ANKS1B: variants seen among roughly 807,000 people sequenced by gnomAD.
The protein encoded by ANKS1B is ankyrin repeat and sterile alpha motif domain-containing protein 1B.
Under a neutral mutation model 148.3 loss-of-function variants are expected in ANKS1B, and 36 were observed. That is an observed-to-expected ratio of 0.24 (90% CI 0.19 to 0.32). The LOEUF (loss-of-function observed/expected upper bound fraction) is 0.32, where lower values mean the gene tolerates loss of function less well. Among genes scored for constraint, ANKS1B ranks in the 10% least tolerant of loss-of-function variants. The pLI is 1.00. For synonymous variants in ANKS1B, 542 were observed against 560.8 expected, an observed-to-expected ratio of 0.97 and a Z score of 0.47; for missense variants, 1,157 against 1,542.6, an observed-to-expected ratio of 0.75 and a Z score of 4.19.
chr12:99,261,247 C>T (rs2075895297), intron 12 of ANKS1B, among the ~76,000 whole-genome samples: 1 of 152,022 alleles, frequency 6.6e-6, no homozygotes, highest in African/African-American at 2.4e-5. Flanking sequence ...CTTGACCTAC[C>T]AGCTATACAA....
At chr12:99,489,634 T>C (rs535396211) in intron 10 of ANKS1B, among the ~76,000 whole-genome samples, 1 of 152,308 alleles carries the variant, frequency 6.6e-6, no homozygotes, top group South Asian at 2.1e-4. Flanking sequence ...CACGTGGTTA[T>C]AGTAACCAAA....
At chr12:98,805,199 C>A (rs1382351170) in intron 20 of ANKS1B, among the ~76,000 whole-genome samples, 1 of 152,046 alleles carries the variant, frequency 6.6e-6, no homozygotes, top group East Asian at 1.9e-4. Context: ...AAAATCTTTC[C>A]TTTAGGTTCA....
At chr12:98,786,544 C>T (rs1371566447) in intron 22 of ANKS1B, among the ~76,000 whole-genome samples, 1 of 152,132 alleles carries the variant, frequency 6.6e-6, no homozygotes, top group African/African-American at 2.4e-5. Flanking sequence ...ATCATTGGTG[C>T]TTTTATTACT....
At chr12:99,097,748 T>C (rs1377142626) in intron 15 of ANKS1B, among the ~76,000 whole-genome samples, 3 of 152,120 alleles carry the variant, frequency 2.0e-5, no homozygotes, top group Admixed American at 2.0e-4. Flanking sequence ...ACTGTATAAA[T>C]CTGAAAAGGT....
rs372805948 is a variant in ANKS1B, at chr12:99,653,389, G to C, written c.1272+1678C>G. On this transcript the variant is annotated intron_variant, in intron 9 of 26. Transcript: ENST00000683438. ...TATTTTTACAAATGCAGTTTTATGAGGGGAAAATAGGTTAAAACATTTAAT... is the reference window on the plus strand; with the variant it reads ...TATTTTTACAAATGCAGTTTTATGACGGGAAAATAGGTTAAAACATTTAAT... 1.5e-3 allele frequency among the ~76,000 whole-genome samples: 226 copies of C among 152,232 alleles called. 7 individuals are homozygous for C. In the South Asian group the frequency reaches 0.043, roughly 29 times the overall value.
chr12:99,512,497 T>C (rs61532791), intron 9 of ANKS1B, among the ~76,000 whole-genome samples: 9,819 of 152,172 alleles, frequency 0.065, 998 homozygotes, highest in African/African-American at 0.22. Context: ...GTGTGGTGAT[T>C]CCTCAAAGAT....
intron 9 of ANKS1B, among the ~76,000 whole-genome samples, chr12:99,626,255 G>A (rs6538920): frequency 0.24 from 36,629 of 151,882 alleles, 4,547 homozygotes; most frequent in Non-Finnish European, 0.27. Context: ...AAAACAACCA[G>A]CCCCTAAAAT....
chr12:99,958,646 A>G (rs568649668), intron 1 of ANKS1B, among the ~76,000 whole-genome samples: 2 of 152,300 alleles, frequency 1.3e-5, no homozygotes, highest in South Asian at 4.1e-4. Flanking sequence ...CAGCCTCCCA[A>G]AGTGCTAGGA....
rs557422542 is a variant in ANKS1B, at chr12:99,739,137, C to G, written c.1128+33785G>C. On this transcript the variant is annotated intron_variant, in intron 8 of 26. Coordinates refer to ENST00000683438, the MANE Select transcript of ANKS1B (RefSeq NM_001352186.2). ...ATCTCCCATCTCCTAACTTTCACAA[C>G]CTCCATGTCTTTAAGGGATGCAAAT... 2.6e-5 allele frequency among the ~76,000 whole-genome samples: 4 copies of G among 152,014 alleles called. No individual in the cohort carries two copies. The South Asian group carries it at 8.3e-4, about 32-fold the overall frequency.
In ANKS1B at chr12:98,801,914, A is replaced by G. The variant is rs2099007406; in HGVS notation, c.3142-789T>C. ...TTCATTTATCATTTTCCATGAGGTT[A>G]GCCTCAACCTGTTTCATCAGTATAA... On this transcript the variant is annotated intron_variant, in intron 20 of 26. Transcript: ENST00000683438. The surrounding 1 kb of genome is among the most constrained non-coding windows in gnomAD (Gnocchi z 5.2). Among the ~76,000 whole-genome samples the G allele has an allele frequency of 6.6e-6, 1 of 152,230 alleles. No individual in the cohort carries two copies. Among genetic ancestry groups the G allele is most frequent in the South Asian group, 2.1e-4 (1 of 4,836 alleles).
intron 12 of ANKS1B, among the ~76,000 whole-genome samples, chr12:99,340,039 T>C (rs755011086): frequency 2.0e-5 from 3 of 152,178 alleles, no homozygotes; most frequent in African/African-American, 4.8e-5. Flanking sequence ...TGGGGTCATA[T>C]TGACAGGAAG....
At chr12:99,322,105 C>A (rs778900735) in intron 12 of ANKS1B, among the ~76,000 whole-genome samples, 8 of 152,080 alleles carry the variant, frequency 5.3e-5, no homozygotes, top group South Asian at 2.1e-4. Context: ...ATGGAACCAA[C>A]CCAAATGCCC....
chr12:99,335,178 T>A (rs1260227012), intron 12 of ANKS1B, among the ~76,000 whole-genome samples: 2 of 152,058 alleles, frequency 1.3e-5, no homozygotes, highest in Admixed American at 1.3e-4. Flanking sequence ...TTCTTCAGTT[T>A]TAATTTTTTA....
intron 1 of ANKS1B, among the ~76,000 whole-genome samples, chr12:99,967,132 T>G (rs2095493760): frequency 6.6e-6 from 1 of 152,206 alleles, no homozygotes; most frequent in South Asian, 2.1e-4. Flanking sequence ...TATATAATTA[T>G]GATTTATAAT....
chr12:99,576,804 G>T lies in ANKS1B; in HGVS notation c.1273-72163C>A, dbSNP rs930792546. Among the ~76,000 whole-genome samples the T allele has an allele frequency of 5.3e-5, 8 of 151,986 alleles. No individual in the cohort carries two copies. In the East Asian group the frequency reaches 1.5e-3, roughly 29 times the overall value. ...ATTTAGTGGATACATGTGTGTGCTT[G>T]TTACCTAGGTATATTGGGTGATGCT... On this transcript the variant is annotated intron_variant, in intron 9 of 26. Transcript: ENST00000683438.
At chr12:99,334,646 G>T (rs1381141490) in intron 12 of ANKS1B, among the ~76,000 whole-genome samples, 1 of 151,988 alleles carries the variant, frequency 6.6e-6, no homozygotes, top group Non-Finnish European at 1.5e-5. Flanking sequence ...TTCCTCCCTA[G>T]AGAGTGATTT....
intron 17 of ANKS1B, among the ~76,000 whole-genome samples, chr12:98,936,849 G>A (rs533267103): frequency 6.6e-6 from 1 of 152,132 alleles, no homozygotes; most frequent in African/African-American, 2.4e-5. Context: ...TCTTGTCTAA[G>A]TACTTCTGAC....
rs139253716 is a variant in ANKS1B at position 99,451,318 on chromosome 12, T to C, written c.1439-7509A>G. Among the ~76,000 whole-genome samples, 309 of 152,294 alleles carry C rather than the reference T, an allele frequency of 2.0e-3. 1 individual carries two copies. The highest frequency in any genetic ancestry group is 7.1e-3 in the African/African-American group (295 of 41,562). On this transcript the variant is annotated intron_variant, in intron 10 of 26. Coordinates refer to ENST00000683438, the MANE Select transcript of ANKS1B (RefSeq NM_001352186.2). Reference sequence around the variant, plus strand: ...AAATAATTCATGTGCAACATTACAGTCTAGTATTTTAACATCAATACCCAG... The same window carrying C: ...AAATAATTCATGTGCAACATTACAGCCTAGTATTTTAACATCAATACCCAG...
intron 1 of ANKS1B, among the ~76,000 whole-genome samples, chr12:99,877,882 A>T (rs2092225654): frequency 6.6e-6 from 1 of 152,138 alleles, no homozygotes; most frequent in Non-Finnish European, 1.5e-5. Context: ...AACATGGCGA[A>T]ACCCCATCTC....
Sources: allele counts gnomAD v4.1 joint callset (sites outside exome capture counted in the v4.1 genomes callset), GRCh38; gene constraint gnomAD v4.1.1; non-coding constraint Gnocchi (gnomAD v3.1); transcripts MANE v1.5; gene names NCBI Gene and HGNC (gene_info 2026-07-23, HGNC 2026-07-21).